RHBDF2: variants seen among roughly 807,000 people sequenced by gnomAD.
RHBDF2 encodes rhomboid 5 homolog 2.
A neutral mutation model predicts 95.2 loss-of-function variants in RHBDF2; 38 were observed. The observed-to-expected ratio is 0.40, with a 90% CI of 0.31 to 0.52. The LOEUF (loss-of-function observed/expected upper bound fraction) is 0.52, where lower values mean the gene tolerates loss of function less well. Ranked by LOEUF, RHBDF2 falls within the 20% of genes least tolerant of loss-of-function variation. RHBDF2 has a pLI of 0.56. For synonymous variants in RHBDF2, 442 were observed against 462.0 expected, an observed-to-expected ratio of 0.96 and a Z score of 0.55; for missense variants, 863 against 1,137.7, an observed-to-expected ratio of 0.76 and a Z score of 3.47.
At chr17:76,474,185 T>C in intron 12 of RHBDF2, 43 bp from the exon 13 acceptor site, 1 of 1,438,826 alleles carries the variant, frequency 7.0e-7, no homozygotes, top group Non-Finnish European at 9.5e-7. Context: ...CGGGGCCAGG[T>C]CACCCCCACT....
chr17:76,494,567 C>T (rs2074388326), intron 1 of RHBDF2, among the ~76,000 whole-genome samples: 1 of 152,176 alleles, frequency 6.6e-6, no homozygotes, highest in African/African-American at 2.4e-5. Context: ...GCCTGGCCAA[C>T]ATGGTGAAAC....
At position 76,474,496 on chromosome 17, in the gene RHBDF2, G is replaced by A. The variant is rs761689758; in HGVS notation, c.1341C>T (p.Cys447=). Residue 447 remains cysteine (C), a synonymous_variant, in exon 12 of 19, where the codon TGC becomes TGT. Coordinates refer to ENST00000675367, the MANE Select transcript of RHBDF2 (RefSeq NM_001005498.4). ...GCTCGATCTGCCCGTCCTTCCGGATGCAGGGTGAGAACTTGGCCCCCAGGT... is the reference window on the plus strand; with the variant it reads ...GCTCGATCTGCCCGTCCTTCCGGATACAGGGTGAGAACTTGGCCCCCAGGT... ...LIHLGAKFSP[C]IRKDGQIEQL... is the part of the protein sequence containing the mutation. 3 of 1,614,214 alleles carry A rather than the reference G, an allele frequency of 1.9e-6. No individual in the cohort carries two copies. Among genetic ancestry groups the A allele is most frequent in the Admixed American group, 3.3e-5 (2 of 60,028 alleles).
chr17:76,472,265 C>G (rs73998913), intron 18 of RHBDF2: 13,166 of 607,292 alleles, frequency 0.022, 177 homozygotes, highest in African/African-American at 0.03. Context: ...TGTGTACGTG[C>G]CTGGTGTGGG....
At chr17:76,473,364 G>A (rs375803547) in intron 15 of RHBDF2, 37 bp from the exon 16 acceptor site, 18 of 1,562,396 alleles carry the variant, frequency 1.2e-5, no homozygotes, top group South Asian at 3.4e-5. Flanking sequence ...ACATCAGGGC[G>A]CCGAATAACC....
chr17:76,473,378 G>A (rs376462493), intron 15 of RHBDF2, 51 bp from the exon 16 acceptor site: 15 of 1,481,644 alleles, frequency 1.0e-5, no homozygotes, highest in African/African-American at 4.2e-5. Flanking sequence ...AATAACCACT[G>A]CCCACCTTTG....
chr17:76,498,295 TC>T (rs2074479612), intron 1 of RHBDF2, among the ~76,000 whole-genome samples: 1 of 152,006 alleles, frequency 6.6e-6, no homozygotes, highest in Non-Finnish European at 1.5e-5. Context: ...GGGAGCCGCT[TC>T]CGACAGCCAG....
Position 76,473,311 on chromosome 17 carries a change from G to T in RHBDF2, c.1750C>A (p.Arg584=). The change falls in exon 16 of 19, where the codon CGG becomes AGG. Residue 584 remains arginine, a synonymous_variant. Coordinates refer to ENST00000675367, the MANE Select transcript of RHBDF2 (RefSeq NM_001005498.4). ...CCGTGCATGAACTCACAGTATTCCC[G>T]GGTGGTGATCTCACAGCTAAGGGGG... ...GTKGSCEITT[R]EYCEFMHGYF... is the part of the protein sequence containing the mutation. 6.2e-7 allele frequency: 1 copy of T among 1,612,232 alleles called. No individual in the cohort carries two copies. The highest frequency in any genetic ancestry group is 1.1e-5 in the South Asian group (1 of 90,654).
intron 10 of RHBDF2, 49 bp from the exon 11 acceptor site, chr17:76,474,853 G>A: frequency 1.3e-6 from 2 of 1,592,906 alleles, no homozygotes; most frequent in Non-Finnish European, 1.7e-6. Context: ...TGTGGGCCCT[G>A]GGCATGGGGA....
At chr17:76,478,516 G>A (rs1318335033) in intron 6 of RHBDF2, among the ~76,000 whole-genome samples, 1 of 152,218 alleles carries the variant, frequency 6.6e-6, no homozygotes. Context: ...GGGTGGATGA[G>A]GAGCAAGTAT....
rs1418126699 is a variant in RHBDF2 at position 76,471,946 on chromosome 17, G to C, written c.2171C>G (p.Ser724Trp). ...ERPWKAFLNL[S>W]AIVLFLFICG... ...GATGAACAGGAAGAGCACGATGGCC[G>C]AGAGGTTGAGGAAGGCCTTCCAGGG... Residue 724 changes from serine (S) to tryptophan (W), a missense_variant, in exon 19 of 19, where the codon TCG becomes TGG. Physicochemically the swap from Ser to Trp is radical, Grantham distance 177 (BLOSUM62 -3). This residue lies in a region of RHBDF2 where 252 missense variants were observed against 412.2 expected (regional missense o/e 0.61). Transcript: ENST00000675367. 1.3e-6 allele frequency: 2 copies of C among 1,570,572 alleles called. No homozygotes were observed. Among genetic ancestry groups the C allele is most frequent in the Non-Finnish European group, 1.7e-6 (2 of 1,157,742 alleles).
In RHBDF2 at chr17:76,497,460, GAATAAC is replaced by G. The variant is rs1340719833; in HGVS notation, c.-220+3887_-220+3892del. 7.2e-5 allele frequency among the ~76,000 whole-genome samples: 11 copies of G among 152,312 alleles called. No individual in the cohort carries two copies. The South Asian group carries it at 2.3e-3, about 32-fold the overall frequency. ...TACCCCAGACACAGCCACTCCTACA[GAATAAC>G]AATAACAACAGTGCCACTGCTCCAT... On this transcript the variant is annotated intron_variant, in intron 1 of 18. Transcript: ENST00000675367.
chr17:76,486,369 T>C (rs1377231139), intron 2 of RHBDF2, among the ~76,000 whole-genome samples: 1 of 152,142 alleles, frequency 6.6e-6, no homozygotes, highest in African/African-American at 2.4e-5. Context: ...TCTCAGAAAG[T>C]GCTGAGATTA....
At chr17:76,498,136 C>T (rs967848401) in intron 1 of RHBDF2, among the ~76,000 whole-genome samples, 9 of 152,174 alleles carry the variant, frequency 5.9e-5, no homozygotes, top group Non-Finnish European at 8.8e-5. Flanking sequence ...AACGACGTTC[C>T]GGGCAGGCTT....
chr17:76,492,126 A>G (rs978350838), intron 1 of RHBDF2, among the ~76,000 whole-genome samples: 19 of 152,278 alleles, frequency 1.2e-4, no homozygotes, highest in Admixed American at 1.2e-3. Context: ...CAGCTGGGAG[A>G]TGCCAAAGAG....
In RHBDF2 at chr17:76,495,813, A is replaced by G. The variant is rs192064490; in HGVS notation, c.-220+5540T>C. On this transcript the variant is annotated intron_variant, in intron 1 of 18. Coordinates refer to ENST00000675367, the MANE Select transcript of RHBDF2 (RefSeq NM_001005498.4). ...CAGGCAGACACTTCTGAGCTTGTAA[A>G]CGGTCATTAAGGAACTAATAAACCT... Among the ~76,000 whole-genome samples, 14 of 152,270 alleles carry G rather than the reference A, an allele frequency of 9.2e-5. No individual in the cohort carries two copies. The East Asian group carries it at 1.7e-3, about 19-fold the overall frequency.
rs773420212 is a variant in RHBDF2 at position 76,473,688 on chromosome 17, C to T, written c.1693G>A (p.Glu565Lys). The T allele has an allele frequency of 5.0e-5, 81 of 1,612,034 alleles. No individual in the cohort carries two copies. Among genetic ancestry groups the T allele is most frequent in the Non-Finnish European group, 6.1e-5 (72 of 1,179,330 alleles). The change falls in exon 15 of 19, where the codon GAG becomes AAG. Residue 565 changes from glutamate (E) to lysine (K), a missense_variant. Physicochemically the swap from Glu to Lys is moderately conservative, Grantham distance 56 (BLOSUM62 1). This residue lies in a region of RHBDF2 where 252 missense variants were observed against 412.2 expected (regional missense o/e 0.61). Coordinates refer to ENST00000675367, the MANE Select transcript of RHBDF2 (RefSeq NM_001005498.4). ...NHTGFLHMDC[E>K]IKGRPCCIGT... ...ATGCAGCAGGGGCGGCCCTTGATCT[C>T]GCAGTCCATGTGCAGGAAGCCTGTG...
intron 1 of RHBDF2, among the ~76,000 whole-genome samples, chr17:76,490,110 C>T (rs2074259407): frequency 6.6e-6 from 1 of 152,236 alleles, no homozygotes; most frequent in Non-Finnish European, 1.5e-5. Context: ...CCCATTGATT[C>T]CACTGAGCAA....
At chr17:76,475,478 G>A (rs1402582430) in intron 9 of RHBDF2, among the ~76,000 whole-genome samples, 1 of 152,048 alleles carries the variant, frequency 6.6e-6, no homozygotes, top group African/African-American at 2.4e-5. Flanking sequence ...CTTTGCACAT[G>A]ACATCACAGT....
In RHBDF2 at chr17:76,471,705, G is replaced by A. The variant is rs780367026; in HGVS notation, c.2412C>T (p.Ile804=). The change falls in exon 19 of 19, where the codon ATC becomes ATT. Residue 804 remains isoleucine, a synonymous_variant. Transcript: ENST00000675367. ...LYIYPINWPW[I]EHLTCFPFTS... The stretch of plus-strand genomic sequence containing the variant: ...TGAAGGGGAAGCAGGTGAGGTGCTC[G>A]ATCCAGGGCCAGTTAATGGGGTAGA... The A allele has an allele frequency of 1.3e-5, 21 of 1,610,658 alleles. No homozygotes were observed. The highest frequency in any genetic ancestry group is 6.7e-5 in the East Asian group (3 of 44,738).
Sources: allele counts gnomAD v4.1 joint callset (sites outside exome capture counted in the v4.1 genomes callset), GRCh38; gene constraint gnomAD v4.1.1; regional missense constraint gnomAD v4.1.1; transcripts MANE v1.5; gene names NCBI Gene and HGNC (gene_info 2026-07-23, HGNC 2026-07-21).